Variants in IST1 observed in about 807,000 individuals in gnomAD.
The protein encoded by IST1 is IST1 homolog.
Under a neutral mutation model 37.0 loss-of-function variants are expected in IST1, and 23 were observed. That is an observed-to-expected ratio of 0.62 (90% CI 0.45 to 0.88). The LOEUF (loss-of-function observed/expected upper bound fraction) is 0.88, where lower values mean the gene tolerates loss of function less well. IST1 is among the 40% of genes least tolerant of loss of function. The probability of loss-of-function intolerance (pLI) is 0.00; values close to 1 mark genes in which losing one functional copy is unlikely to be tolerated. For missense variants in IST1, 488 were observed against 445.4 expected, an observed-to-expected ratio of 1.10 and a Z score of -0.86; for synonymous variants, 180 against 161.7, an observed-to-expected ratio of 1.11 and a Z score of -0.86.
upstream of IST1, chr16:71,894,817 C>G (rs1421533684): frequency 6.5e-7 from 1 of 1,533,506 alleles, no homozygotes; most frequent in African/African-American, 1.4e-5. Context: ...AGGTCCCTTC[C>G]AGGCTTAAGC....
chr16:71,923,205 T>C (rs1258641706), intron 7 of IST1, 83 bp from the exon 8 acceptor site: 4 of 710,118 alleles, frequency 5.6e-6, no homozygotes, highest in Non-Finnish European at 9.8e-6. Context: ...TATAAATGTA[T>C]TTCTTTCTCC....
At chr16:71,909,452 C>G (rs1162425685) in intron 1 of IST1, among the ~76,000 whole-genome samples, 1 of 152,158 alleles carries the variant, frequency 6.6e-6, no homozygotes, top group African/African-American at 2.4e-5. Context: ...TACTTCCTTA[C>G]TACCACAAAA....
At chr16:71,926,517 T>C (rs1447401459) in intron 9 of IST1, among the ~76,000 whole-genome samples, 33 of 151,882 alleles carry the variant, frequency 2.2e-4, no homozygotes, top group Non-Finnish European at 4.4e-5. Flanking sequence ...CTAATTTTTT[T>C]TTGTATTTTT....
intron 1 of IST1, among the ~76,000 whole-genome samples, chr16:71,900,504 A>G (rs1000288306): frequency 6.6e-6 from 1 of 151,816 alleles, no homozygotes; most frequent in Non-Finnish European, 1.5e-5. Context: ...CTTATTCAGG[A>G]TGGGGAGGCT....
chr16:71,915,594 G>C lies in IST1; in HGVS notation c.-15-32G>C, dbSNP rs1225699425. 7 of 1,500,534 alleles carry C rather than the reference G, an allele frequency of 4.7e-6. No individual in the cohort carries two copies. In the East Asian group the frequency reaches 1.6e-4, roughly 34 times the overall value. The allele number at this position is 1,500,534 out of a possible 1,614,324, so 93.0% of individuals were successfully genotyped here. A position where few individuals can be genotyped will look rare whatever the true frequency, so the allele number is the denominator to read the frequency against. ...TTAGTTCCTGAACTAATGTTGACTT[G>C]AAAATAGTCATTGTGCTTCTTCTGT... On this transcript the variant is annotated intron_variant, in intron 1 of 9. Coordinates refer to ENST00000378799, the MANE Select transcript of IST1 (RefSeq NM_001270975.2).
Position 71,921,331 on chromosome 16 carries a change from T to C in IST1, c.442-12T>C. On this transcript the variant is annotated splice_polypyrimidine_tract_variant and intron_variant, in intron 5 of 9. Transcript: ENST00000378799. ...ATACATGCATCTTAGCCCTGGGTCT[T>C]TTTACTTACAGCTAATGCACAAGCT... The C allele has an allele frequency of 6.4e-7, 1 of 1,570,708 alleles. No homozygotes were observed. Among genetic ancestry groups the C allele is most frequent in the Non-Finnish European group, 8.8e-7 (1 of 1,141,740 alleles).
chr16:71,907,716 C>T (rs1191238452), intron 1 of IST1, among the ~76,000 whole-genome samples: 1 of 152,104 alleles, frequency 6.6e-6, no homozygotes, highest in Non-Finnish European at 1.5e-5. Context: ...TATTGACTTA[C>T]CTACAAGTGT....
rs754356262 is a variant in IST1, at chr16:71,929,693, CAAAAAG to C, written c.*1882_*1887del. The C allele has an allele frequency of 6.6e-7, 1 of 1,512,760 alleles. No individual in the cohort carries two copies. The highest frequency in any genetic ancestry group is 1.3e-5 in the South Asian group (1 of 77,560). 93.7% of individuals were successfully genotyped at this position (1,512,760 alleles called of 1,614,324 possible). ...GCAGCTTCTTTCTGAGTATTGAAGA[CAAAAAG>C]AGAAAAGTGAGAAAATTGAAATTAC... On this transcript the variant is annotated 3_prime_UTR_variant, in exon 10 of 10. Coordinates refer to ENST00000378799, the MANE Select transcript of IST1 (RefSeq NM_001270975.2).
intron 9 of IST1, among the ~76,000 whole-genome samples, chr16:71,926,003 C>A (rs566164029): frequency 1.3e-5 from 2 of 151,820 alleles, no homozygotes; most frequent in East Asian, 3.9e-4. Context: ...AATTAGAGGC[C>A]GGGTGCGGTG....
At chr16:71,907,131 G>T (rs1348329831) in intron 1 of IST1, among the ~76,000 whole-genome samples, 5 of 151,110 alleles carry the variant, frequency 3.3e-5, no homozygotes, top group African/African-American at 1.2e-4. Flanking sequence ...TTTGGAGTCT[G>T]TAGAGTTAAT....
intron 1 of IST1, among the ~76,000 whole-genome samples, chr16:71,908,386 G>A (rs1249547534): frequency 1.6e-5 from 2 of 121,358 alleles, no homozygotes; most frequent in African/African-American, 3.1e-5. Context: ...TGCAACCTCC[G>A]CCTCCCCAGT....
At chr16:71,927,486 CAAAAAA>C in intron 9 of IST1, 122 bp from the exon 10 acceptor site, 1 of 600,136 alleles carries the variant, frequency 1.7e-6, no homozygotes, top group South Asian at 2.0e-5. Context: ...GAGACTGTCT[CAAAAAA>C]AAAAAAAAAA....
chr16:71,921,538 C>T (rs1412119621), intron 6 of IST1, 85 bp downstream of exon 6: 2 of 786,672 alleles, frequency 2.5e-6, no homozygotes, highest in Non-Finnish European at 4.3e-6. Context: ...TTTGCACTAA[C>T]TTAAATTTGT....
At chr16:71,897,978 A>G (rs951171597) in intron 1 of IST1, among the ~76,000 whole-genome samples, 2 of 152,160 alleles carry the variant, frequency 1.3e-5, no homozygotes, top group East Asian at 1.9e-4. Flanking sequence ...TGAGTGGAAT[A>G]TTAGACAGCG....
Position 71,929,469 on chromosome 16 carries a change from A to T in IST1, c.*1656A>T. The T allele has an allele frequency of 7.2e-7, 1 of 1,380,564 alleles. No individual in the cohort carries two copies. The highest frequency in any genetic ancestry group is 9.7e-7 in the Non-Finnish European group (1 of 1,033,992). The allele number at this position is 1,380,564 out of a possible 1,614,324, so 85.5% of individuals were successfully genotyped here. A position where few individuals can be genotyped will look rare whatever the true frequency, so the allele number is the denominator to read the frequency against. On this transcript the variant is annotated 3_prime_UTR_variant, in exon 10 of 10. Transcript: ENST00000378799. ...TAAAAACAAAGTATATTATAATTTT[A>T]AAGCTATGCCATGCAAAGATAAGTA...
intron 1 of IST1, among the ~76,000 whole-genome samples, chr16:71,911,233 T>C (rs2037346923): frequency 6.6e-6 from 1 of 152,034 alleles, no homozygotes; most frequent in Admixed American, 6.6e-5. Flanking sequence ...AGTGAGACTC[T>C]TACGTCAAAA....
chr16:71,924,905 C>T, intron 9 of IST1, 88 bp downstream of exon 9: 1 of 919,216 alleles, frequency 1.1e-6, no homozygotes, highest in Non-Finnish European at 1.8e-6. Flanking sequence ...GAGACTGTTT[C>T]CATGTCCATG....
chr16:71,904,676 T>A (rs1190529740), intron 1 of IST1, among the ~76,000 whole-genome samples: 2 of 152,236 alleles, frequency 1.3e-5, no homozygotes, highest in African/African-American at 4.8e-5. Context: ...CCCAAAGTGC[T>A]GGGCTTACGG....
rs1023897008 is a variant in IST1 at position 71,928,917 on chromosome 16, A to G, written c.*1104A>G. 2.6e-5 allele frequency: 4 copies of G among 152,476 alleles called. No individual in the cohort carries two copies. The highest frequency in any genetic ancestry group is 4.4e-5 in the Non-Finnish European group (3 of 68,228). 9.4% of individuals were successfully genotyped at this position (152,476 alleles called of 1,614,324 possible). On this transcript the variant is annotated 3_prime_UTR_variant, in exon 10 of 10. Transcript: ENST00000378799. Reference sequence around the variant, plus strand: ...TTGCTTCTGTGTAGTATACCTGTACATACTTGTTTCAGGCAGCCTTTCTTT... The same window carrying G: ...TTGCTTCTGTGTAGTATACCTGTACGTACTTGTTTCAGGCAGCCTTTCTTT...
Sources: gnomAD v4.1 joint callset for allele counts (sites outside exome capture counted in the v4.1 genomes callset) on GRCh38, gnomAD v4.1.1 for gene constraint, MANE v1.5 for transcripts, NCBI Gene and HGNC (gene_info 2026-07-23, HGNC 2026-07-21) for gene names.